Variants in HDAC11 observed in about 807,000 individuals in gnomAD.
HDAC11 encodes the protein histone deacetylase 11.
HDAC11 carries 23 observed loss-of-function variants against 41.1 expected under a neutral mutation model. That is an observed-to-expected ratio of 0.56 (90% confidence interval 0.40 to 0.79). HDAC11 has a LOEUF of 0.79. Among genes scored for constraint, HDAC11 ranks in the 30% least tolerant of loss-of-function variants. HDAC11 has a pLI of 0.00. For missense variants in HDAC11, 402 were observed against 477.3 expected (o/e 0.84, Z 1.47); for synonymous variants, 187 against 186.6 (o/e 1.00, Z -0.02).
intron 5 of HDAC11, 74 bp downstream of exon 5, chr3:13,498,629 G>T: frequency 2.8e-6 from 4 of 1,405,668 alleles, no homozygotes; most frequent in East Asian, 2.3e-5. Flanking sequence ...GCTGGGGGAG[G>T]GCGGGAGGAT....
intron 3 of HDAC11, among the ~76,000 whole-genome samples, chr3:13,490,670 A>G (rs1363735027): frequency 6.6e-6 from 1 of 151,186 alleles, no homozygotes; most frequent in African/African-American, 2.4e-5. Flanking sequence ...TCAGTTGTAT[A>G]GAAATACAAC....
chr3:13,480,783 C>A lies in HDAC11; in HGVS notation c.2+434C>A, dbSNP rs1411656015. On this transcript the variant is annotated intron_variant, in intron 1 of 9. Coordinates refer to ENST00000295757, the MANE Select transcript of HDAC11 (RefSeq NM_024827.4). The surrounding 1 kb of genome is among the most constrained non-coding windows in gnomAD (Gnocchi z 4.6). ...CCCCGCCCTGGCTCAGGTTGGGTCC[C>A]GACTTGGGTTTCTGAGTGCTTACTG... The A allele has an allele frequency of 2.2e-6, 1 of 452,218 alleles. No individual in the cohort carries two copies. The highest frequency in any genetic ancestry group is 1.7e-5 in the South Asian group (1 of 60,030). 28.0% of individuals were successfully genotyped at this position (452,218 alleles called of 1,614,324 possible). A position where few individuals can be genotyped will look rare whatever the true frequency, so the allele number is the denominator to read the frequency against.
At chr3:13,490,002 T>G (rs1468262068) in intron 3 of HDAC11, among the ~76,000 whole-genome samples, 4 of 152,068 alleles carry the variant, frequency 2.6e-5, no homozygotes, top group Non-Finnish European at 1.5e-5. Context: ...TTTGTTCTTT[T>G]TTTTTTTTTG....
chr3:13,494,289 GT>G (rs1701992230), intron 3 of HDAC11, among the ~76,000 whole-genome samples: 2 of 152,202 alleles, frequency 1.3e-5, no homozygotes, highest in East Asian at 3.9e-4. Flanking sequence ...CGGCTCGTTT[GT>G]TTGCTCATTC....
At chr3:13,499,425 C>T (rs1177072216) in intron 5 of HDAC11, among the ~76,000 whole-genome samples, 5 of 152,202 alleles carry the variant, frequency 3.3e-5, no homozygotes, top group Non-Finnish European at 7.3e-5. Flanking sequence ...CCACCTCGCT[C>T]GGCCTCCCAA....
Position 13,498,528 on chromosome 3 carries a change from G to C in HDAC11, c.385G>C (p.Val129Leu). The change falls in exon 5 of 10, where the codon GTG (valine) becomes CTG (leucine). Residue 129 changes from valine (V) to leucine (L), a missense_variant. By Grantham distance (32) the Val-to-Leu change is conservative. Transcript: ENST00000295757. The stretch of plus-strand genomic sequence containing the variant: ...GTCTCCAAAGGCGGGGAAGCTGGCT[G>C]TGGAGCGAGGCTGGGCCATCAACGT... Reference protein sequence around the residue: ...GGTIMAGKLAVERGWAINVGG... With the variant: ...GGTIMAGKLALERGWAINVGG... The C allele has an allele frequency of 6.2e-7, 1 of 1,613,994 alleles. No homozygotes were observed. The highest frequency in any genetic ancestry group is 8.5e-7 in the Non-Finnish European group (1 of 1,180,006).
In HDAC11 at chr3:13,483,549, T is replaced by C. The variant is rs1410636502; in HGVS notation, c.237T>C (p.Tyr79=). 6.2e-6 allele frequency: 10 copies of C among 1,612,680 alleles called. No individual in the cohort carries two copies. Among genetic ancestry groups the C allele is most frequent in the African/African-American group, 1.3e-5 (1 of 74,624 alleles). The change falls in exon 3 of 10, where the codon TAT becomes TAC. Residue 79 remains tyrosine, a synonymous_variant. Transcript: ENST00000295757. ...TGCTGGTGGTGCACACGAGGCGCTATCTTAATGAGCTCAAGGTACAGGATG... is the reference window on the plus strand; with the variant it reads ...TGCTGGTGGTGCACACGAGGCGCTACCTTAATGAGCTCAAGGTACAGGATG... ...EDLLVVHTRR[Y]LNELKWSFAV...
At position 13,504,556 on chromosome 3, in the gene HDAC11, A is replaced by G; in HGVS notation, c.917A>G (p.Lys306Arg). The change falls in exon 10 of 10, where the codon AAG (lysine) becomes AGG (arginine). Residue 306 changes from lysine (K) to arginine (R), a missense_variant. Physicochemically the swap from Lys to Arg is conservative, Grantham distance 26. Coordinates refer to ENST00000295757, the MANE Select transcript of HDAC11 (RefSeq NM_024827.4). ...ILMVTSGGYQ[K>R]RTARIIADSI... The stretch of plus-strand genomic sequence containing the variant: ...ATGGTGACCTCAGGCGGGTACCAGA[A>G]GCGCACAGCCCGCATCATTGCTGAC... The G allele has an allele frequency of 6.2e-7, 1 of 1,613,614 alleles. No individual in the cohort carries two copies. The highest frequency in any genetic ancestry group is 8.5e-7 in the Non-Finnish European group (1 of 1,180,024).
intron 3 of HDAC11, among the ~76,000 whole-genome samples, chr3:13,496,334 C>T (rs980104839): frequency 3.9e-5 from 6 of 152,188 alleles, no homozygotes; most frequent in East Asian, 1.9e-4. Context: ...GGAAGATCCT[C>T]GCTGCCTAGG....
At position 13,480,755 on chromosome 3, in the gene HDAC11, GC is replaced by G; in HGVS notation, c.2+412del. On this transcript the variant is annotated intron_variant, in intron 1 of 9. Coordinates refer to ENST00000295757, the MANE Select transcript of HDAC11 (RefSeq NM_024827.4). This position sits in a 1 kb window ranked among gnomAD's most constrained non-coding sequence, Gnocchi z 4.6. ...AGCGCAGCGGGGTCAGGGGATCCCC[GC>G]CCCCCGCCCTGGCTCAGGTTGGGTC... The G allele has an allele frequency of 1.5e-5, 7 of 471,380 alleles. No homozygotes were observed. The highest frequency in any genetic ancestry group is 2.6e-5 in the Non-Finnish European group (6 of 229,468). 29.2% of individuals were successfully genotyped at this position (471,380 alleles called of 1,614,324 possible).
chr3:13,482,824 G>T (rs1452627170), intron 2 of HDAC11, among the ~76,000 whole-genome samples: 3 of 152,212 alleles, frequency 2.0e-5, no homozygotes, highest in Non-Finnish European at 1.5e-5. Flanking sequence ...TTGAGACAGG[G>T]TCTCACTCCC....
chr3:13,481,418 C>G (rs761368050), intron 2 of HDAC11, 24 bp downstream of exon 2: 1 of 1,612,324 alleles, frequency 6.2e-7, no homozygotes, highest in South Asian at 1.1e-5. Context: ...CCCTTGGACT[C>G]TCATCTGCTT....
Position 13,502,071 on chromosome 3 carries a change from G to A in HDAC11, c.552+138G>A. The A allele has an allele frequency of 1.4e-6, 1 of 698,380 alleles. No individual in the cohort carries two copies. The highest frequency in any genetic ancestry group is 2.5e-6 in the Non-Finnish European group (1 of 404,700). 43.3% of individuals were successfully genotyped at this position (698,380 alleles called of 1,614,324 possible). On this transcript the variant is annotated intron_variant, in intron 7 of 9. Transcript: ENST00000295757. This position sits in a 1 kb window ranked among gnomAD's most constrained non-coding sequence, Gnocchi z 4.1. ...GTCTTCTGTCTCTCGGGCTACAAAT[G>A]CAGGGTCTGTCTTTGTCACTCTGTC...
At chr3:13,482,848 G>A (rs562096188) in intron 2 of HDAC11, among the ~76,000 whole-genome samples, 1 of 152,248 alleles carries the variant, frequency 6.6e-6, no homozygotes, top group South Asian at 2.1e-4. Context: ...ACCCAGGCTA[G>A]AGTGCAGTGG....
chr3:13,486,134 G>A (rs925311788), intron 3 of HDAC11, among the ~76,000 whole-genome samples: 12 of 151,970 alleles, frequency 7.9e-5, no homozygotes, highest in African/African-American at 2.9e-4. Context: ...AGGCATGGTA[G>A]TGCATGCCTG....
chr3:13,480,780 T>C lies in HDAC11; in HGVS notation c.2+431T>C. 1 of 453,502 alleles carries C rather than the reference T, an allele frequency of 2.2e-6. No homozygotes were observed. Among genetic ancestry groups the C allele is most frequent in the Non-Finnish European group, 4.6e-6 (1 of 219,594 alleles). The allele number at this position is 453,502 out of a possible 1,614,324, so 28.1% of individuals were successfully genotyped here. A position where few individuals can be genotyped will look rare whatever the true frequency, so the allele number is the denominator to read the frequency against. On this transcript the variant is annotated intron_variant, in intron 1 of 9. Coordinates refer to ENST00000295757, the MANE Select transcript of HDAC11 (RefSeq NM_024827.4). The surrounding 1 kb of genome is among the most constrained non-coding windows in gnomAD (Gnocchi z 4.6). ...GCCCCCCGCCCTGGCTCAGGTTGGG[T>C]CCCGACTTGGGTTTCTGAGTGCTTA... is the stretch of plus-strand genomic sequence containing the variant.
At chr3:13,496,512 A>C (rs2290193) in intron 3 of HDAC11, 150,210 of 440,000 alleles carry the variant, frequency 0.34, 29,137 homozygotes, top group African/African-American at 0.62. Context: ...TAGCTTTAAG[A>C]AATGCATTGT....
intron 3 of HDAC11, among the ~76,000 whole-genome samples, chr3:13,489,345 A>G (rs920522352): frequency 3.9e-5 from 6 of 152,152 alleles, no homozygotes; most frequent in African/African-American, 1.4e-4. Context: ...TAAGAGTTTT[A>G]TAGTTTTCAC....
rs546537317 is a variant in HDAC11, at chr3:13,493,352, C to T, written c.253-3384C>T. 2.6e-4 allele frequency among the ~76,000 whole-genome samples: 40 copies of T among 152,170 alleles called. 1 individual carries two copies. The South Asian group carries it at 3.7e-3, about 14-fold the overall frequency. ...CTCACCCAGGGACCCGCCACTAGTCCGCCCCACCCACTCTGTTTATTTCTC... is the reference window on the plus strand; with the variant it reads ...CTCACCCAGGGACCCGCCACTAGTCTGCCCCACCCACTCTGTTTATTTCTC... On this transcript the variant is annotated intron_variant, in intron 3 of 9. Transcript: ENST00000295757.
Sources: allele counts gnomAD v4.1 joint callset (sites outside exome capture counted in the v4.1 genomes callset), GRCh38; gene constraint gnomAD v4.1.1; non-coding constraint Gnocchi (gnomAD v3.1); transcripts MANE v1.5; gene names NCBI Gene and HGNC (gene_info 2026-07-23, HGNC 2026-07-21).